The following TRPM3 variants were observed in gnomAD, a reference collection of about 807,000 sequenced individuals.
TRPM3 encodes the protein transient receptor potential cation channel subfamily M member 3, also known as long transient receptor potential channel 3.
In TRPM3, 77 loss-of-function variants were observed where a neutral mutation model predicts 181.2. The observed-to-expected ratio is 0.42, with a 90% CI of 0.35 to 0.51. TRPM3 has a LOEUF of 0.51. TRPM3 is among the 20% of genes least tolerant of loss of function. The pLI is 0.01. For missense variants in TRPM3, 1,759 were observed against 2,196.7 expected (o/e 0.80, Z 3.98); for synonymous variants, 745 against 796.4 (o/e 0.94, Z 1.09).
At chr9:71,427,328 C>A (rs2093882127) in intron 1 of TRPM3, among the ~76,000 whole-genome samples, 1 of 152,136 alleles carries the variant, frequency 6.6e-6, no homozygotes, top group African/African-American at 2.4e-5. Flanking sequence ...GTTAAAAATG[C>A]AAATTCTCAC....
At chr9:71,129,406 T>C (rs1037498747) in intron 1 of TRPM3, among the ~76,000 whole-genome samples, 10 of 152,186 alleles carry the variant, frequency 6.6e-5, no homozygotes, top group Non-Finnish European at 5.9e-5. Context: ...TTAAAATAGA[T>C]AGTGGCTATG....
intron 1 of TRPM3, among the ~76,000 whole-genome samples, chr9:71,177,630 AAAAC>A (rs776557882): frequency 0.4 from 61,097 of 152,050 alleles, 12,586 homozygotes; most frequent in East Asian, 0.52. Context: ...ATGTATTAGG[AAAAC>A]CTATCTTTTC....
At chr9:70,779,871 C>G (rs971678797) in intron 7 of TRPM3, among the ~76,000 whole-genome samples, 1 of 151,934 alleles carries the variant, frequency 6.6e-6, no homozygotes, top group African/African-American at 2.4e-5. Context: ...ACAGAAAATC[C>G]ATTATGCCAA....
At chr9:71,410,359 A>T (rs2093522348) in intron 1 of TRPM3, among the ~76,000 whole-genome samples, 1 of 152,140 alleles carries the variant, frequency 6.6e-6, no homozygotes, top group Non-Finnish European at 1.5e-5. Flanking sequence ...ATAGACTGCT[A>T]GCAAGACTAG....
At chr9:71,035,008 T>G (rs2058022165) in intron 1 of TRPM3, among the ~76,000 whole-genome samples, 1 of 152,304 alleles carries the variant, frequency 6.6e-6, no homozygotes, top group Non-Finnish European at 1.5e-5. Context: ...TTCCTCGAGC[T>G]TATTCCTTGT....
intron 1 of TRPM3, among the ~76,000 whole-genome samples, chr9:71,276,433 C>A (rs1365119198): frequency 6.6e-6 from 1 of 151,860 alleles, no homozygotes; most frequent in East Asian, 1.9e-4. Flanking sequence ...TATGACACAA[C>A]ACAAATATTA....
intron 1 of TRPM3, 148 bp from the exon 2 acceptor site, chr9:70,864,659 C>T (rs947372637): frequency 4.4e-6 from 2 of 455,708 alleles, no homozygotes; most frequent in Non-Finnish European, 7.5e-6. Flanking sequence ...TTATTTCACA[C>T]ATAAACACTA....
intron 1 of TRPM3, among the ~76,000 whole-genome samples, chr9:71,347,012 A>T (rs2091338632): frequency 1.3e-5 from 2 of 152,250 alleles, no homozygotes; most frequent in Non-Finnish European, 2.9e-5. Context: ...TCTGGTTATT[A>T]AACAAATCCC....
chr9:71,270,364 C>A (rs570573357), intron 1 of TRPM3, among the ~76,000 whole-genome samples: 1 of 152,120 alleles, frequency 6.6e-6, no homozygotes, highest in Admixed American at 6.5e-5. Flanking sequence ...AACAAACAAA[C>A]AATAAAAAAC....
intron 1 of TRPM3, among the ~76,000 whole-genome samples, chr9:71,270,118 G>A (rs2083679855): frequency 6.6e-6 from 1 of 152,178 alleles, no homozygotes; most frequent in African/African-American, 2.4e-5. Flanking sequence ...AGGAGGCCAA[G>A]GCAGGCTCAT....
chr9:70,622,174 T>C (rs1243225773), intron 14 of TRPM3, among the ~76,000 whole-genome samples: 2 of 152,144 alleles, frequency 1.3e-5, no homozygotes, highest in Non-Finnish European at 2.9e-5. Flanking sequence ...AAGGTGTCAC[T>C]ATGAATGAGG....
intron 1 of TRPM3, among the ~76,000 whole-genome samples, chr9:71,269,710 A>C (rs1197960962): frequency 6.6e-6 from 1 of 152,216 alleles, no homozygotes; most frequent in African/African-American, 2.4e-5. Flanking sequence ...CCTCAGCAGG[A>C]ATGTAACTTG....
intron 9 of TRPM3, among the ~76,000 whole-genome samples, chr9:70,677,418 A>G (rs2064269512): frequency 6.6e-6 from 1 of 152,246 alleles, no homozygotes; most frequent in East Asian, 1.9e-4. Context: ...TGCCAGAGCT[A>G]TAACACTCCT....
At chr9:71,439,946 C>A (rs2094111180) in intron 1 of TRPM3, among the ~76,000 whole-genome samples, 1 of 151,838 alleles carries the variant, frequency 6.6e-6, no homozygotes, top group Non-Finnish European at 1.5e-5. Context: ...ACGGTGAAAC[C>A]CTGTCGCTAC....
chr9:70,603,291 A>G (rs2060417107), intron 20 of TRPM3, 51 bp downstream of exon 20: 1 of 1,585,634 alleles, frequency 6.3e-7, no homozygotes, highest in African/African-American at 1.4e-5. Context: ...ATCCACAGAT[A>G]GAACTTAACC....
chr9:71,431,813 T>C (rs773831960), intron 1 of TRPM3, among the ~76,000 whole-genome samples: 4 of 152,238 alleles, frequency 2.6e-5, no homozygotes, highest in Non-Finnish European at 5.9e-5. Flanking sequence ...CTGGTATTAA[T>C]AAATGCCAAA....
At position 71,090,996 on chromosome 9, in the gene TRPM3, C is replaced by T. The variant is rs566045383; in HGVS notation, c.177+30182G>A. On this transcript the variant is annotated intron_variant, in intron 1 of 25. Transcript: ENST00000677713. ...GGACATTTTTCAACTCCTCCCCCAC[C>T]ATTTATTTTTAACAGGCTTCATAAA... 2.6e-5 allele frequency among the ~76,000 whole-genome samples: 4 copies of T among 152,186 alleles called. No homozygotes were observed. In the South Asian group the frequency reaches 8.3e-4, roughly 32 times the overall value.
At chr9:71,220,947 CT>C (rs2080203312) in intron 1 of TRPM3, among the ~76,000 whole-genome samples, 1 of 152,052 alleles carries the variant, frequency 6.6e-6, no homozygotes, top group African/African-American at 2.4e-5. Context: ...ATGACTCTTT[CT>C]TTTGGGGCCC....
intron 9 of TRPM3, among the ~76,000 whole-genome samples, chr9:70,648,583 T>A (rs2059204564): frequency 6.6e-6 from 1 of 151,720 alleles, no homozygotes; most frequent in African/African-American, 2.4e-5. Context: ...CTACCTGACT[T>A]CAAACTATAC....
Sources: allele counts gnomAD v4.1 joint callset (sites outside exome capture counted in the v4.1 genomes callset), GRCh38; gene constraint gnomAD v4.1.1; transcripts MANE v1.5; gene names NCBI Gene and HGNC (gene_info 2026-07-23, HGNC 2026-07-21).